LHFPL6: variants seen among roughly 807,000 people sequenced by gnomAD.
LHFPL6 encodes LHFPL tetraspan subfamily member 6 protein.
Under a neutral mutation model 20.6 loss-of-function variants are expected in LHFPL6, and 9 were observed. The observed-to-expected ratio is 0.44, with a 90% CI of 0.26 to 0.76. The LOEUF (loss-of-function observed/expected upper bound fraction) is 0.76. Ranked by LOEUF, LHFPL6 falls within the 30% of genes least tolerant of loss-of-function variation. The pLI, the probability that LHFPL6 is intolerant of heterozygous loss-of-function variation, is 0.20. For missense variants in LHFPL6, 218 were observed against 253.5 expected (o/e 0.86, Z 0.95); for synonymous variants, 105 against 98.7 (o/e 1.06, Z -0.38).
chr13:39,410,493 T>C (rs190214473), intron 2 of LHFPL6, among the ~76,000 whole-genome samples: 1 of 152,214 alleles, frequency 6.6e-6, no homozygotes, highest in Non-Finnish European at 1.5e-5. Flanking sequence ...ACTCTCCATC[T>C]AGGATCTAAA....
chr13:39,451,826 A>G (rs537697705), intron 2 of LHFPL6, among the ~76,000 whole-genome samples: 2 of 152,348 alleles, frequency 1.3e-5, no homozygotes, highest in East Asian at 3.9e-4. Flanking sequence ...TAAAGATTCT[A>G]GTATATATTC....
At position 39,467,142 on chromosome 13, in the gene LHFPL6, ACTGTTCCCCTTAACTGCCGTTATTCAT is replaced by A. The variant is rs1415756493; in HGVS notation, c.386-88643_386-88617del. Among the ~76,000 whole-genome samples the A allele has an allele frequency of 5.3e-5, 8 of 152,192 alleles. No individual in the cohort carries two copies. In the East Asian group the frequency reaches 1.5e-3, roughly 29 times the overall value. ...TCCATCTTCTTTGTGTCCCCATCTT[ACTGTTCCCCTTAACTGCCGTTATTCAT>A]CTGTTCCCCTTAACTGCCCTTATTC... On this transcript the variant is annotated intron_variant, in intron 2 of 3. Transcript: ENST00000379589.
intron 2 of LHFPL6, among the ~76,000 whole-genome samples, chr13:39,552,141 A>G (rs985083347): frequency 6.6e-6 from 1 of 152,232 alleles, no homozygotes; most frequent in African/African-American, 2.4e-5. Context: ...CATGGATCAG[A>G]AATTGTATGT....
intron 2 of LHFPL6, among the ~76,000 whole-genome samples, chr13:39,548,527 CTGA>C (rs1246869752): frequency 6.6e-6 from 1 of 151,982 alleles, no homozygotes; most frequent in African/African-American, 2.4e-5. Context: ...CTCAGAGTTA[CTGA>C]TGATGAGCTT....
Position 39,514,089 on chromosome 13 carries a change from C to T in LHFPL6, c.385+86743G>A, listed in dbSNP as rs151100170. On this transcript the variant is annotated intron_variant, in intron 2 of 3. Coordinates refer to ENST00000379589, the MANE Select transcript of LHFPL6 (RefSeq NM_005780.3). ...AGGTTTTAGCTGAGGATCACGAGACCCATGTTCTGGTTTAGTCCCAGCTAC... is the reference window on the plus strand; with the variant it reads ...AGGTTTTAGCTGAGGATCACGAGACTCATGTTCTGGTTTAGTCCCAGCTAC... 5.3e-5 allele frequency among the ~76,000 whole-genome samples: 8 copies of T among 152,130 alleles called. No individual in the cohort carries two copies. In the East Asian group the frequency reaches 1.5e-3, roughly 29 times the overall value.
chr13:39,431,720 G>GC (rs1241955188), intron 2 of LHFPL6, among the ~76,000 whole-genome samples: 2 of 145,402 alleles, frequency 1.4e-5, no homozygotes, highest in East Asian at 2.1e-4. Context: ...GAATTTGTGG[G>GC]GGGGGGGGGC....
rs73173477 is a variant in LHFPL6 at position 39,377,209 on chromosome 13, C to G, written c.484+1219G>C. ...AGAACAATCCCACTTCTTCATTAAA[C>G]CTAGCATAAAAAGTATACAGGTTTA... is the stretch of plus-strand genomic sequence containing the variant. On this transcript the variant is annotated intron_variant, in intron 3 of 3. Coordinates refer to ENST00000379589, the MANE Select transcript of LHFPL6 (RefSeq NM_005780.3). 7.6e-3 allele frequency among the ~76,000 whole-genome samples: 1,157 copies of G among 152,290 alleles called. 15 individuals carry two copies. The highest frequency in any genetic ancestry group is 9.8e-3 in the South Asian group (47 of 4,820).
At chr13:39,366,478 G>C (rs961774452) in intron 3 of LHFPL6, among the ~76,000 whole-genome samples, 1 of 152,198 alleles carries the variant, frequency 6.6e-6, no homozygotes, top group African/African-American at 2.4e-5. Context: ...ATGCACTCGA[G>C]TTGTGGTTTC....
intron 3 of LHFPL6, among the ~76,000 whole-genome samples, chr13:39,374,867 C>G (rs1286743323): frequency 6.6e-6 from 1 of 152,182 alleles, no homozygotes; most frequent in Admixed American, 6.5e-5. Context: ...ATGCCACATC[C>G]CCAGCACCTA....
At chr13:39,601,660 C>T (rs1478763296) in intron 1 of LHFPL6, among the ~76,000 whole-genome samples, 2 of 152,120 alleles carry the variant, frequency 1.3e-5, no homozygotes, top group Admixed American at 1.3e-4. Context: ...ATTTGACAGG[C>T]CAATGAATTC....
chr13:39,373,434 C>T (rs570445057), intron 3 of LHFPL6, among the ~76,000 whole-genome samples: 2 of 152,194 alleles, frequency 1.3e-5, no homozygotes, highest in African/African-American at 2.4e-5. Context: ...AATGAGGCTA[C>T]GCATTCCCAT....
At chr13:39,575,051 CAG>C (rs1042473746) in intron 2 of LHFPL6, among the ~76,000 whole-genome samples, 2 of 151,536 alleles carry the variant, frequency 1.3e-5, no homozygotes, top group Non-Finnish European at 2.9e-5. Flanking sequence ...GGCCTCGCGA[CAG>C]AGCAAACTCC....
chr13:39,393,014 A>G (rs1870749809), intron 2 of LHFPL6, among the ~76,000 whole-genome samples: 1 of 152,124 alleles, frequency 6.6e-6, no homozygotes, highest in African/African-American at 2.4e-5. Flanking sequence ...TTGCATTTAT[A>G]TTATATTAGG....
At chr13:39,353,522 C>T (rs892335501) in intron 3 of LHFPL6, among the ~76,000 whole-genome samples, 6 of 151,606 alleles carry the variant, frequency 4.0e-5, no homozygotes, top group South Asian at 2.1e-4. Context: ...GTCAGGAGAT[C>T]GAGACCATCC....
chr13:39,395,038 C>T (rs1317588354), intron 2 of LHFPL6, among the ~76,000 whole-genome samples: 1 of 152,138 alleles, frequency 6.6e-6, no homozygotes, highest in African/African-American at 2.4e-5. Flanking sequence ...TGCTCCTTCC[C>T]ACGGGGCTCC....
chr13:39,503,292 C>A (rs1229102759), intron 2 of LHFPL6, among the ~76,000 whole-genome samples: 1 of 152,198 alleles, frequency 6.6e-6, no homozygotes, highest in Non-Finnish European at 1.5e-5. Flanking sequence ...TGCCTTTGCA[C>A]TGACTGTTCC....
At chr13:39,397,076 G>A (rs550424412) in intron 2 of LHFPL6, among the ~76,000 whole-genome samples, 121 of 151,930 alleles carry the variant, frequency 8.0e-4, no homozygotes, top group African/African-American at 2.9e-3. Flanking sequence ...CCAGCCCTAG[G>A]AAACTAAAAC....
intron 2 of LHFPL6, among the ~76,000 whole-genome samples, chr13:39,463,003 G>A (rs1038276050): frequency 2.6e-5 from 4 of 152,078 alleles, no homozygotes; most frequent in Admixed American, 6.6e-5. Flanking sequence ...AAGAAAAGTA[G>A]CTCCCAAGAA....
At chr13:39,437,962 T>TA (rs2138411146) in intron 2 of LHFPL6, among the ~76,000 whole-genome samples, 1 of 151,664 alleles carries the variant, frequency 6.6e-6, no homozygotes, top group African/African-American at 2.4e-5. Context: ...GACACTGCTA[T>TA]AAAGATACCT....
Sources: allele counts gnomAD v4.1 joint callset (sites outside exome capture counted in the v4.1 genomes callset), GRCh38; gene constraint gnomAD v4.1.1; transcripts MANE v1.5; gene names NCBI Gene and HGNC (gene_info 2026-07-23, HGNC 2026-07-21).